DHX37: variants seen among roughly 807,000 people sequenced by gnomAD.
The protein encoded by DHX37 is probable ATP-dependent RNA helicase DHX37.
In DHX37, 52 loss-of-function variants were observed where a neutral mutation model predicts 134.3. The observed-to-expected ratio is 0.39, with a 90% CI of 0.31 to 0.49. The LOEUF is 0.49. DHX37 is among the 20% of genes least tolerant of loss of function. The pLI, the probability that DHX37 is intolerant of heterozygous loss-of-function variation, is 0.93. For synonymous variants in DHX37, 634 were observed against 670.7 expected, an observed-to-expected ratio of 0.95 and a Z score of 0.85; for missense variants, 1,344 against 1,580.8, an observed-to-expected ratio of 0.85 and a Z score of 2.54.
At chr12:124,969,000 C>T in intron 8 of DHX37, 32 bp from the exon 9 acceptor site, 1 of 1,602,180 alleles carries the variant, frequency 6.2e-7, no homozygotes, top group Non-Finnish European at 8.5e-7. Flanking sequence ...GACCGTGGCC[C>T]CAGGACCGCA....
At chr12:124,977,246 G>A (rs1236827225) in intron 5 of DHX37, 96 bp downstream of exon 5, 4 of 1,413,684 alleles carry the variant, frequency 2.8e-6, no homozygotes, top group Non-Finnish European at 3.7e-6. Context: ...GGCAGATCCA[G>A]GATTGGATCC....
In DHX37 at chr12:124,986,406, TAAC is replaced by T. The variant is rs1594516917; in HGVS notation, c.107-144_107-142del. On this transcript the variant is annotated intron_variant, in intron 1 of 26. Coordinates refer to ENST00000308736, the MANE Select transcript of DHX37 (RefSeq NM_032656.4). ...ATCTGTGAGCTCAAATCTATTTTCA[TAAC>T]AATACTATGATGTTCTCAAGGCTTG... is the stretch of plus-strand genomic sequence containing the variant. 2.0e-5 allele frequency: 19 copies of T among 943,500 alleles called. No individual in the cohort carries two copies. In the East Asian group the frequency reaches 4.6e-4, roughly 23 times the overall value. 58.4% of individuals were successfully genotyped at this position (943,500 alleles called of 1,614,324 possible).
In DHX37 at chr12:124,966,720, C is replaced by T. The variant is rs1009239415; in HGVS notation, c.1590+73G>A. The T allele has an allele frequency of 6.1e-6, 9 of 1,481,112 alleles. No homozygotes were observed. The African/African-American group carries it at 9.7e-5, about 16-fold the overall frequency. 91.7% of individuals were successfully genotyped at this position (1,481,112 alleles called of 1,614,324 possible). On this transcript the variant is annotated intron_variant, in intron 12 of 26. Transcript: ENST00000308736. Reference sequence around the variant, plus strand: ...AATTACACTTAAACCTAAGCAGCCACATGGGGCTGGTAGCTGCCATCCTGG... The same window carrying T: ...AATTACACTTAAACCTAAGCAGCCATATGGGGCTGGTAGCTGCCATCCTGG...
In DHX37 at chr12:124,952,551, C is replaced by T. The variant is rs781374726; in HGVS notation, c.2715G>A (p.Glu905=). 1.3e-6 allele frequency: 2 copies of T among 1,594,506 alleles called. No individual in the cohort carries two copies. Among genetic ancestry groups the T allele is most frequent in the South Asian group, 2.2e-5 (2 of 90,088 alleles). ...TCTTGGGATCCACGAAGAGCTCAGC[C>T]TCGGGGCACACGGCATTGACTGAGG... is the stretch of plus-strand genomic sequence containing the variant. The part of the protein sequence containing the change: ...LTTAVNAVCP[E]AELFVDPKMQ... Residue 905 remains glutamate, a synonymous_variant, in exon 21 of 27, where the codon GAG becomes GAA. Coordinates refer to ENST00000308736, the MANE Select transcript of DHX37 (RefSeq NM_032656.4).
chr12:124,964,038 T>C (rs1954326392), intron 15 of DHX37, among the ~76,000 whole-genome samples: 1 of 148,182 alleles, frequency 6.7e-6, no homozygotes, highest in African/African-American at 2.5e-5. Flanking sequence ...ATAATAAAAA[T>C]ACACAAATTA....
At chr12:124,963,874 G>A (rs1415315432) in intron 15 of DHX37, among the ~76,000 whole-genome samples, 4 of 87,132 alleles carry the variant, frequency 4.6e-5, no homozygotes, top group East Asian at 3.3e-4. Flanking sequence ...AGTGAGACTC[G>A]TCTCAAAAAA....
At chr12:124,987,719 A>C (rs1954902077) in intron 1 of DHX37, among the ~76,000 whole-genome samples, 1 of 152,208 alleles carries the variant, frequency 6.6e-6, no homozygotes, top group Admixed American at 6.5e-5. Flanking sequence ...ATCCCTTTCC[A>C]GAAATGCTAG....
rs568715537 is a variant in DHX37, at chr12:124,962,306, G to A, written c.2046-1883C>T. Among the ~76,000 whole-genome samples the A allele has an allele frequency of 6.6e-5, 10 of 152,360 alleles. No homozygotes were observed. The South Asian group carries it at 1.5e-3, about 22-fold the overall frequency. ...TATAATCCCAGCACTTTGGGAGGCT[G>A]AGGCAGGTGTTCAAGACCAGCCTGG... On this transcript the variant is annotated intron_variant, in intron 15 of 26. Coordinates refer to ENST00000308736, the MANE Select transcript of DHX37 (RefSeq NM_032656.4).
intron 10 of DHX37, among the ~76,000 whole-genome samples, chr12:124,967,636 G>A (rs1954417725): frequency 6.6e-6 from 1 of 152,212 alleles, no homozygotes; most frequent in Admixed American, 6.5e-5. Context: ...GCCATAAGCA[G>A]AGCAAGGACA....
In DHX37 at chr12:124,977,412, C is replaced by G; in HGVS notation, c.817G>C (p.Val273Leu). 1 of 1,611,242 alleles carries G rather than the reference C, an allele frequency of 6.2e-7. No homozygotes were observed. Among genetic ancestry groups the G allele is most frequent in the Non-Finnish European group, 8.5e-7 (1 of 1,178,986 alleles). Residue 273 changes from valine (V) to leucine (L), a missense_variant, in exon 5 of 27, where the codon GTG (valine) becomes CTG (leucine). Physicochemically the swap from Val to Leu is conservative, Grantham distance 32. Transcript: ENST00000308736. The stretch of plus-strand genomic sequence containing the variant: ...TTCCCGCTGCCGGTCTCACCACACA[C>G]GATGACGATGGGGTGCTCGGCCACA... ...EAVAEHPIVI[V>L]CGETGSGKTT...
At chr12:124,957,880 C>T (rs1016639862) in intron 16 of DHX37, among the ~76,000 whole-genome samples, 6 of 152,174 alleles carry the variant, frequency 3.9e-5, no homozygotes, top group African/African-American at 4.8e-5. Context: ...ATGAACAAAA[C>T]GTGGGCCACC....
At chr12:124,951,737 C>T (rs923369390) in intron 21 of DHX37, among the ~76,000 whole-genome samples, 5 of 151,964 alleles carry the variant, frequency 3.3e-5, no homozygotes, top group East Asian at 1.9e-4. Context: ...TTTGGGAGGC[C>T]GAGGTGGGCA....
intron 4 of DHX37, among the ~76,000 whole-genome samples, chr12:124,979,017 T>C (rs1017853081): frequency 6.6e-6 from 1 of 151,780 alleles, no homozygotes; most frequent in South Asian, 2.1e-4. Flanking sequence ...CAAGAGAAAC[T>C]TCTGCACATG....
chr12:124,981,522 C>A (rs1037174783), intron 3 of DHX37, among the ~76,000 whole-genome samples: 10 of 152,074 alleles, frequency 6.6e-5, no homozygotes, highest in African/African-American at 2.2e-4. Flanking sequence ...GTAGCTTCAA[C>A]CTCCCAGGCT....
intron 16 of DHX37, among the ~76,000 whole-genome samples, chr12:124,958,540 T>C (rs1954151435): frequency 1.3e-5 from 2 of 152,184 alleles, no homozygotes; most frequent in Admixed American, 6.5e-5. Flanking sequence ...GTGATAACAC[T>C]AGTAACTCCC....
chr12:124,976,530 G>A (rs537839298), intron 5 of DHX37, among the ~76,000 whole-genome samples: 10 of 152,172 alleles, frequency 6.6e-5, no homozygotes, highest in South Asian at 6.2e-4. Context: ...TGACCAACAC[G>A]GTGAAACTCT....
chr12:124,986,689 C>A (rs541663141), intron 1 of DHX37, among the ~76,000 whole-genome samples: 2 of 151,676 alleles, frequency 1.3e-5, no homozygotes, highest in Admixed American at 1.3e-4. Flanking sequence ...CCAGCCTGGG[C>A]GACAGGGTGA....
rs1338219537 is a variant in DHX37 at position 124,980,902 on chromosome 12, A to G, written c.390-64T>C. 3 of 1,511,110 alleles carry G rather than the reference A, an allele frequency of 2.0e-6. No homozygotes were observed. In the Admixed American group the frequency reaches 6.6e-5, roughly 33 times the overall value. 93.6% of individuals were successfully genotyped at this position (1,511,110 alleles called of 1,614,324 possible). On this transcript the variant is annotated intron_variant, in intron 3 of 26. Coordinates refer to ENST00000308736, the MANE Select transcript of DHX37 (RefSeq NM_032656.4). This position sits in a 1 kb window ranked among gnomAD's most constrained non-coding sequence, Gnocchi z 5.3. ...CCTCAATCCCAGAGGTCAGGACTCC[A>G]AGGCCATACCCCTTTCTGCCTCAGG...
At chr12:124,952,213 T>C (rs938535653) in intron 21 of DHX37, among the ~76,000 whole-genome samples, 185 bp downstream of exon 21, 1 of 151,348 alleles carries the variant, frequency 6.6e-6, no homozygotes, top group African/African-American at 2.4e-5. Context: ...TAAACTGTTA[T>C]TAAAAAAAAA....
Sources: gnomAD v4.1 joint callset for allele counts (sites outside exome capture counted in the v4.1 genomes callset) on GRCh38, gnomAD v4.1.1 for gene constraint, Gnocchi (gnomAD v3.1) non-coding constraint, MANE v1.5 for transcripts, NCBI Gene and HGNC (gene_info 2026-07-23, HGNC 2026-07-21) for gene names.